The following MARCHF1 variants were observed in gnomAD, a reference collection of about 807,000 sequenced individuals.
The protein encoded by MARCHF1 is membrane associated ring-CH-type finger 1.
A neutral mutation model predicts 54.2 loss-of-function variants in MARCHF1; 40 were observed. The ratio of observed to expected loss-of-function variants is 0.74; its 90% CI spans 0.57 to 0.96. MARCHF1 has a LOEUF of 0.96. Among genes scored for constraint, MARCHF1 ranks in the 40% least tolerant of loss-of-function variants. The pLI, the probability that MARCHF1 is intolerant of heterozygous loss-of-function variation, is 0.00. For missense variants in MARCHF1, 586 were observed against 656.5 expected, an observed-to-expected ratio of 0.89 and a Z score of 1.17; for synonymous variants, 236 against 236.3, an observed-to-expected ratio of 1.00 and a Z score of 0.01.
chr4:164,167,968 A>G (rs1730423420), intron 1 of MARCHF1, among the ~76,000 whole-genome samples: 1 of 151,998 alleles, frequency 6.6e-6, no homozygotes, highest in Non-Finnish European at 1.5e-5. Flanking sequence ...GAAATACTCA[A>G]AAAATGAAAA....
At chr4:163,768,519 A>C (rs1393088018) in intron 4 of MARCHF1, among the ~76,000 whole-genome samples, 1 of 152,242 alleles carries the variant, frequency 6.6e-6, no homozygotes, top group East Asian at 1.9e-4. Flanking sequence ...AAACATGAAG[A>C]TTGTTCAGTT....
intron 2 of MARCHF1, among the ~76,000 whole-genome samples, chr4:163,998,940 A>G (rs1477485202): frequency 6.6e-6 from 1 of 151,750 alleles, no homozygotes; most frequent in East Asian, 1.9e-4. Context: ...TCTTAGACAT[A>G]GTGATTTCAT....
intron 1 of MARCHF1, among the ~76,000 whole-genome samples, chr4:164,275,832 G>A (rs1320462962): frequency 1.3e-5 from 2 of 152,170 alleles, no homozygotes; most frequent in African/African-American, 4.8e-5. Context: ...TAAAGGGACA[G>A]CAATAAGCAA....
chr4:163,580,382 A>G (rs934690517), intron 8 of MARCHF1, among the ~76,000 whole-genome samples: 1 of 152,052 alleles, frequency 6.6e-6, no homozygotes, highest in Non-Finnish European at 1.5e-5. Context: ...CTGGCCCTGT[A>G]GACACATTTT....
chr4:164,190,803 G>C (rs1217871409), intron 1 of MARCHF1, among the ~76,000 whole-genome samples: 1 of 152,204 alleles, frequency 6.6e-6, no homozygotes, highest in African/African-American at 2.4e-5. Flanking sequence ...ATGATAGGAA[G>C]TCTTTCTCCT....
At chr4:163,621,844 G>A (rs895506405) in intron 5 of MARCHF1, among the ~76,000 whole-genome samples, 3 of 152,116 alleles carry the variant, frequency 2.0e-5, no homozygotes, top group African/African-American at 7.2e-5. Flanking sequence ...AGAAGGGTAT[G>A]AGGAAGACTC....
intron 1 of MARCHF1, among the ~76,000 whole-genome samples, chr4:164,351,588 C>T (rs999468310): frequency 9.2e-5 from 14 of 152,252 alleles, no homozygotes; most frequent in Admixed American, 8.5e-4. Flanking sequence ...ACAGAAAGGA[C>T]ATCCACACCA....
intron 2 of MARCHF1, among the ~76,000 whole-genome samples, chr4:164,060,544 T>G (rs1035308273): frequency 6.6e-6 from 1 of 152,126 alleles, no homozygotes; most frequent in African/African-American, 2.4e-5. Flanking sequence ...ATTTTATGAC[T>G]AAAGGGTAAT....
chr4:163,942,465 G>A (rs1055462572), intron 3 of MARCHF1, among the ~76,000 whole-genome samples: 4 of 152,134 alleles, frequency 2.6e-5, no homozygotes, highest in African/African-American at 7.2e-5. Context: ...ATATGTTAAC[G>A]AGCCAGTGCT....
chr4:163,600,227 T>C (rs1339285429), intron 7 of MARCHF1, among the ~76,000 whole-genome samples: 1 of 151,572 alleles, frequency 6.6e-6, no homozygotes, highest in African/African-American at 2.4e-5. Context: ...ACACACACAC[T>C]ACACACACAC....
In MARCHF1 at chr4:163,959,334, A is replaced by T. The variant is rs146216353; in HGVS notation, c.-39+29167T>A. Among the ~76,000 whole-genome samples the T allele has an allele frequency of 4.6e-5, 5 of 108,378 alleles. No homozygotes were observed. In the South Asian group the frequency reaches 1.7e-3, roughly 38 times the overall value. 71.1% of individuals were successfully genotyped at this position (108,378 alleles called of 152,430 possible). A position where few individuals can be genotyped will look rare whatever the true frequency, so the allele number is the denominator to read the frequency against. On this transcript the variant is annotated intron_variant, in intron 3 of 9. Transcript: ENST00000514618. The stretch of plus-strand genomic sequence containing the variant: ...TAAGCAAAACAACAACAACAACAAA[A>T]AAAAAAAACAACAAAAAAACAAAAA...
intron 1 of MARCHF1, among the ~76,000 whole-genome samples, chr4:164,117,351 T>C (rs995295293): frequency 6.6e-6 from 1 of 152,040 alleles, no homozygotes; most frequent in African/African-American, 2.4e-5. Flanking sequence ...TTCTTCTTAT[T>C]TTAGGTCAAG....
intron 5 of MARCHF1, among the ~76,000 whole-genome samples, chr4:163,632,031 C>A (rs1057479119): frequency 1.3e-5 from 2 of 152,152 alleles, no homozygotes; most frequent in Non-Finnish European, 2.9e-5. Flanking sequence ...ATCAAAACCA[C>A]AATGAGATAT....
intron 3 of MARCHF1, among the ~76,000 whole-genome samples, chr4:163,895,963 A>C (rs72685666): frequency 0.27 from 41,183 of 152,026 alleles, 5,832 homozygotes; most frequent in Non-Finnish European, 0.31. Context: ...TATCCTAGCA[A>C]AAGTAGTTCA....
At chr4:164,296,885 C>T (rs1649138196) in intron 1 of MARCHF1, among the ~76,000 whole-genome samples, 1 of 152,126 alleles carries the variant, frequency 6.6e-6, no homozygotes, top group African/African-American at 2.4e-5. Flanking sequence ...TTTCTCACCA[C>T]CAAATTTGAT....
At chr4:163,752,887 A>G (rs1746565330) in intron 4 of MARCHF1, among the ~76,000 whole-genome samples, 1 of 152,168 alleles carries the variant, frequency 6.6e-6, no homozygotes, top group African/African-American at 2.4e-5. Context: ...TATCACTAGT[A>G]CCCTGCTAGG....
intron 4 of MARCHF1, among the ~76,000 whole-genome samples, chr4:163,717,286 G>A (rs866547334): frequency 2.3e-4 from 35 of 150,906 alleles, no homozygotes; most frequent in Non-Finnish European, 4.6e-4. Context: ...TGAGAATGAT[G>A]GTTTCCAGCT....
At chr4:163,904,497 A>C (rs1202006803) in intron 3 of MARCHF1, among the ~76,000 whole-genome samples, 1 of 152,178 alleles carries the variant, frequency 6.6e-6, no homozygotes, top group Non-Finnish European at 1.5e-5. Context: ...GGGTACCTCA[A>C]ATACAAAACC....
At chr4:164,126,332 A>G (rs1446929313) in intron 1 of MARCHF1, among the ~76,000 whole-genome samples, 1 of 152,164 alleles carries the variant, frequency 6.6e-6, no homozygotes, top group Admixed American at 6.5e-5. Flanking sequence ...ACATTTATGA[A>G]CCAGAAAGTA....
Sources: gnomAD v4.1 joint callset for allele counts (sites outside exome capture counted in the v4.1 genomes callset) on GRCh38, gnomAD v4.1.1 for gene constraint, MANE v1.5 for transcripts, NCBI Gene and HGNC (gene_info 2026-07-23, HGNC 2026-07-21) for gene names.